AVEN: variants seen among roughly 807,000 people sequenced by gnomAD.
AVEN encodes the protein apoptosis and caspase activation inhibitor.
A neutral mutation model predicts 38.1 loss-of-function variants in AVEN; 41 were observed. The ratio of observed to expected loss-of-function variants is 1.08; its 90% CI spans 0.84 to 1.40. The LOEUF (loss-of-function observed/expected upper bound fraction) is 1.40. Ranked by LOEUF, AVEN falls within the 40% of genes most tolerant of loss-of-function variation. The pLI is 0.00. For missense variants in AVEN, 605 were observed against 438.8 expected (o/e 1.38, Z -3.38); for synonymous variants, 206 against 171.8 (o/e 1.20, Z -1.56).
At chr15:34,048,138 A>C (rs1351753173) in intron 5 of AVEN, among the ~76,000 whole-genome samples, 1 of 152,164 alleles carries the variant, frequency 6.6e-6, no homozygotes, top group Non-Finnish European at 1.5e-5. Flanking sequence ...GGCTTTCCAA[A>C]GTGCTGGGAT....
intron 2 of AVEN, among the ~76,000 whole-genome samples, chr15:33,899,165 G>A (rs1892374585): frequency 2.6e-5 from 1 of 39,208 alleles, no homozygotes; most frequent in Non-Finnish European, 7.1e-5. Context: ...AGTTAACTGT[G>A]GTACTCACCT....
chr15:33,964,090 G>T (rs1895298852), intron 2 of AVEN, among the ~76,000 whole-genome samples: 1 of 130,482 alleles, frequency 7.7e-6, no homozygotes, highest in Non-Finnish European at 1.7e-5. Context: ...GGGTTCTTAG[G>T]GTCTAAGTCC....
chr15:34,057,142 G>T (rs59779761), intron 5 of AVEN, among the ~76,000 whole-genome samples: 94,232 of 148,648 alleles, frequency 0.63, 31,549 homozygotes, highest in South Asian at 0.78. Context: ...GTTTTTTTTG[G>T]TTTTTTTTTT....
At chr15:33,987,295 G>GT (rs150320409) in intron 2 of AVEN, among the ~76,000 whole-genome samples, 2,117 of 152,270 alleles carry the variant, frequency 0.014, 21 homozygotes, top group Non-Finnish European at 0.021. Context: ...ACATTTGAAG[G>GT]TTTTTTCATT....
intron 1 of AVEN, among the ~76,000 whole-genome samples, chr15:34,024,063 G>A (rs1032764668): frequency 2.6e-5 from 4 of 152,136 alleles, no homozygotes; most frequent in Non-Finnish European, 5.9e-5. Flanking sequence ...CCAGAATACT[G>A]CAAGTAATCC....
intron 2 of AVEN, among the ~76,000 whole-genome samples, chr15:33,948,176 C>T (rs1022305165): frequency 6.6e-6 from 1 of 150,512 alleles, no homozygotes; most frequent in Non-Finnish European, 1.5e-5. Context: ...CGGCTCACTG[C>T]AACCTCCGCC....
At chr15:33,961,907 T>C (rs971264210) in intron 2 of AVEN, among the ~76,000 whole-genome samples, 12 of 151,676 alleles carry the variant, frequency 7.9e-5, no homozygotes, top group African/African-American at 2.7e-4. Context: ...GAAATCTTTT[T>C]AGAAAATTAA....
chr15:34,050,292 C>G (rs1222769378), intron 5 of AVEN, among the ~76,000 whole-genome samples: 2 of 152,164 alleles, frequency 1.3e-5, no homozygotes, highest in Non-Finnish European at 1.5e-5. Context: ...CAAGCAAATG[C>G]TGAGGGAATT....
At chr15:34,059,120 T>C (rs1325436860) in intron 5 of AVEN, among the ~76,000 whole-genome samples, 1 of 149,466 alleles carries the variant, frequency 6.7e-6, no homozygotes, top group African/African-American at 2.6e-5. Context: ...TGGTCTCGAA[T>C]TCCTGACCTC....
At chr15:34,012,939 A>T (rs576331102) in intron 1 of AVEN, among the ~76,000 whole-genome samples, 11 of 152,182 alleles carry the variant, frequency 7.2e-5, no homozygotes, top group African/African-American at 2.2e-4. Flanking sequence ...TTTCTTAATC[A>T]TTGTCATGGT....
At chr15:33,987,966 A>C (rs1896550000) in intron 2 of AVEN, among the ~76,000 whole-genome samples, 1 of 152,166 alleles carries the variant, frequency 6.6e-6, no homozygotes, top group South Asian at 2.1e-4. Flanking sequence ...AAGGAGGTGA[A>C]ATGCATCAAG....
chr15:33,852,076 G>C, the AVEN span: 1 of 27,656 alleles, frequency 3.6e-5, no homozygotes, highest in Admixed American at 4.2e-4. Context: ...AGAGGTCAGT[G>C]AATAGTAGGA....
intron 2 of AVEN, among the ~76,000 whole-genome samples, chr15:33,937,861 A>G (rs899764433): frequency 1.6e-4 from 24 of 149,464 alleles, no homozygotes; most frequent in Non-Finnish European, 1.5e-4. Flanking sequence ...GAGAAAATAA[A>G]TTTCTGTTGT....
chr15:33,908,488 G>A lies in AVEN; in HGVS notation c.446-32493C>T, dbSNP rs1892791582. ...ATAAAATCACTCTATAATTGCAAAT[G>A]GGCAAATAGGTTATTCCCATGAGAA... On this transcript the variant is annotated intron_variant, in intron 2 of 5. Coordinates refer to ENST00000306730, the MANE Select transcript of AVEN (RefSeq NM_020371.3). Among the ~76,000 whole-genome samples the A allele has an allele frequency of 8.4e-5, 3 of 35,880 alleles. 1 individual carries two copies. The highest frequency in any genetic ancestry group is 6.9e-4 in the Admixed American group (2 of 2,910). The allele number at this position is 35,880 out of a possible 152,430, so 23.5% of individuals were successfully genotyped here. A position where few individuals can be genotyped will look rare whatever the true frequency, so the allele number is the denominator to read the frequency against.
At chr15:33,874,941 G>A (rs1597177785) in intron 3 of AVEN, among the ~76,000 whole-genome samples, 1 of 152,294 alleles carries the variant, frequency 6.6e-6, no homozygotes, top group South Asian at 2.1e-4. Context: ...AGTACCTCAG[G>A]CGTAGGCCCA....
intron 2 of AVEN, among the ~76,000 whole-genome samples, chr15:33,977,909 C>G (rs1253686152): frequency 6.6e-6 from 1 of 150,854 alleles, no homozygotes; most frequent in Non-Finnish European, 1.5e-5. Flanking sequence ...TGCACTCCAG[C>G]CTGGGTGACA....
intron 2 of AVEN, among the ~76,000 whole-genome samples, chr15:33,900,279 C>A (rs114227421): frequency 0.11 from 16,076 of 150,814 alleles, 1,279 homozygotes; most frequent in African/African-American, 0.21. Context: ...CTACTTAGTG[C>A]GGGAAAGTGG....
At chr15:33,865,040 T>A, downstream of AVEN, 1 of 898,892 alleles carries the variant, frequency 1.1e-6, no homozygotes, top group Non-Finnish European at 1.8e-6. Flanking sequence ...ACATCAGTCT[T>A]CCTAAAGGGA....
intron 1 of AVEN, among the ~76,000 whole-genome samples, chr15:34,029,199 C>T (rs757459378): frequency 2.8e-4 from 43 of 152,098 alleles, no homozygotes; most frequent in Admixed American, 8.5e-4. Context: ...CCCCCACCAC[C>T]GCCACTGCCA....
Sources: gnomAD v4.1 joint callset for allele counts (sites outside exome capture counted in the v4.1 genomes callset) on GRCh38, gnomAD v4.1.1 for gene constraint, MANE v1.5 for transcripts, NCBI Gene and HGNC (gene_info 2026-07-23, HGNC 2026-07-21) for gene names.